Variants in TTC31 observed in about 807,000 individuals in gnomAD.
The protein encoded by TTC31 is tetratricopeptide repeat domain 31.
TTC31 carries 59 observed loss-of-function variants against 60.4 expected under a neutral mutation model. That is an observed-to-expected ratio of 0.98 (90% CI 0.79 to 1.21). The LOEUF is 1.21. Among genes scored for constraint, TTC31 ranks in the 50% most tolerant of loss-of-function variants. The pLI is 0.00. For synonymous variants in TTC31, 225 were observed against 249.6 expected, an observed-to-expected ratio of 0.90 and a Z score of 0.93; for missense variants, 672 against 646.9, an observed-to-expected ratio of 1.04 and a Z score of -0.42.
At chr2:74,483,490 A>G in intron 2 of TTC31, 80 bp downstream of exon 2, 2 of 1,603,004 alleles carry the variant, frequency 1.2e-6, no homozygotes, top group Non-Finnish European at 1.7e-6. Context: ...GAAACCCGCG[A>G]CGGATGGGCG....
chr2:74,486,887 C>A (rs1219529066), intron 2 of TTC31, among the ~76,000 whole-genome samples: 1 of 149,988 alleles, frequency 6.7e-6, no homozygotes, highest in Non-Finnish European at 1.5e-5. Flanking sequence ...GGGCGAAACT[C>A]CACCTCAAAA....
At chr2:74,488,440 G>A (rs1249740629) in intron 2 of TTC31, among the ~76,000 whole-genome samples, 1 of 152,084 alleles carries the variant, frequency 6.6e-6, no homozygotes, top group Non-Finnish European at 1.5e-5. Flanking sequence ...CTCTGTTTAG[G>A]CCTGATTAGG....
intron 2 of TTC31, among the ~76,000 whole-genome samples, chr2:74,489,181 A>G (rs1340007229): frequency 6.6e-6 from 1 of 152,258 alleles, no homozygotes; most frequent in African/African-American, 2.4e-5. Flanking sequence ...AAATTGTGTA[A>G]CACAGATAAT....
intron 2 of TTC31, among the ~76,000 whole-genome samples, chr2:74,485,538 T>C (rs1324265841): frequency 1.3e-5 from 2 of 151,382 alleles, no homozygotes; most frequent in African/African-American, 4.9e-5. Context: ...TGGTGTGATC[T>C]TGGCTCACCG....
In TTC31 at chr2:74,492,426, A is replaced by C; in HGVS notation, c.1142A>C (p.Lys381Thr). The C allele has an allele frequency of 6.6e-7, 1 of 1,523,196 alleles. No individual in the cohort carries two copies. Among genetic ancestry groups the C allele is most frequent in the Non-Finnish European group, 8.8e-7 (1 of 1,136,766 alleles). The allele number at this position is 1,523,196 out of a possible 1,614,324, so 94.4% of individuals were successfully genotyped here. A position where few individuals can be genotyped will look rare whatever the true frequency, so the allele number is the denominator to read the frequency against. ...CCCCGGGGCCTCTTCCGCCTGGGCAAGGCCTTGATGGGACTACAGGTAATA... is the reference window on the plus strand; with the variant it reads ...CCCCGGGGCCTCTTCCGCCTGGGCACGGCCTTGATGGGACTACAGGTAATA... ...GWPRGLFRLG[K>T]ALMGLQRFRE... is the part of the protein sequence containing the mutation. The change falls in exon 11 of 13, where the codon AAG becomes ACG. Residue 381 changes from lysine to threonine, a missense_variant. Lys to Thr is a moderately conservative substitution (Grantham distance 78). Coordinates refer to ENST00000233623, the MANE Select transcript of TTC31 (RefSeq NM_022492.6).
At chr2:74,490,819 A>T in intron 5 of TTC31, 80 bp downstream of exon 5, 1 of 1,410,136 alleles carries the variant, frequency 7.1e-7, no homozygotes, top group Non-Finnish European at 9.7e-7. Flanking sequence ...TGGGAACAGG[A>T]GAGAGCTCAA....
rs185827744 is a variant in TTC31, at chr2:74,485,712, C to T, written c.129+2302C>T. On this transcript the variant is annotated intron_variant, in intron 2 of 12. Transcript: ENST00000233623. ...GTCTCGATCTCCTGACCTTGTGATCCGCCCACCTCAGCCTCCCAAAATGCT... is the reference window on the plus strand; with the variant it reads ...GTCTCGATCTCCTGACCTTGTGATCTGCCCACCTCAGCCTCCCAAAATGCT... Among the ~76,000 whole-genome samples, 899 of 151,662 alleles carry T rather than the reference C, an allele frequency of 5.9e-3. 4 individuals are homozygous for T. Among genetic ancestry groups the T allele is most frequent in the Middle Eastern group, 0.031 (9 of 290 alleles).
At position 74,492,171 on chromosome 2, in the gene TTC31, T is replaced by C; in HGVS notation, c.961T>C (p.Tyr321His). 3 of 1,614,260 alleles carry C rather than the reference T, an allele frequency of 1.9e-6. No individual in the cohort carries two copies. The highest frequency in any genetic ancestry group is 2.5e-6 in the Non-Finnish European group (3 of 1,180,036). Residue 321 changes from tyrosine (Y) to histidine (H), a missense_variant, in exon 10 of 13, where the codon TAC (tyrosine) becomes CAC (histidine). Coordinates refer to ENST00000233623, the MANE Select transcript of TTC31 (RefSeq NM_022492.6). ...TACCAGCTTTGCTCAAAATGGTTTC[T>C]ACCATGAGGCCGTGGTCCTCTTCAC... is the stretch of plus-strand genomic sequence containing the variant. ...LGTSFAQNGF[Y>H]HEAVVLFTQA...
rs1160648267 is a variant in TTC31 at position 74,492,062 on chromosome 2, TC to T, written c.928+9del. The T allele has an allele frequency of 1.3e-5, 21 of 1,614,050 alleles. No homozygotes were observed. Among genetic ancestry groups the T allele is most frequent in the Non-Finnish European group, 1.8e-5 (21 of 1,180,022 alleles). On this transcript the variant is annotated splice_region_variant and intron_variant, in intron 9 of 12. Coordinates refer to ENST00000233623, the MANE Select transcript of TTC31 (RefSeq NM_022492.6). Reference sequence around the variant, plus strand: ...CAGAGCCAGGAACTGGCAAGTGAGATCCTTTCTCTCTCCGTCCTCACCCCAC... The same window carrying T: ...CAGAGCCAGGAACTGGCAAGTGAGATCTTTCTCTCTCCGTCCTCACCCCAC...
Position 74,492,330 on chromosome 2 carries a change from A to T in TTC31, c.1046A>T (p.His349Leu). 6.3e-7 allele frequency: 1 copy of T among 1,583,170 alleles called. No individual in the cohort carries two copies. The highest frequency in any genetic ancestry group is 1.1e-5 in the South Asian group (1 of 87,216). ...TTATTTGGAAATCGTTCCTTCTGCC[A>T]TGAGCGGTTGGGTCAGCCAGCGTGG... is the stretch of plus-strand genomic sequence containing the variant. ...HRLFGNRSFC[H>L]ERLGQPAWAL... is the part of the protein sequence containing the mutation. The change falls in exon 11 of 13, where the codon CAT (histidine) becomes CTT (leucine). Residue 349 changes from histidine to leucine, a missense_variant. By Grantham distance (99) the His-to-Leu change is moderately conservative. Transcript: ENST00000233623.
intron 2 of TTC31, among the ~76,000 whole-genome samples, chr2:74,487,871 G>C (rs1673318362): frequency 6.6e-6 from 1 of 151,918 alleles, no homozygotes; most frequent in Admixed American, 6.6e-5. Context: ...GTATAGATGG[G>C]GTTTCGCCAT....
intron 7 of TTC31, 22 bp from the exon 8 acceptor site, chr2:74,491,459 T>G: frequency 1.3e-5 from 17 of 1,271,540 alleles, no homozygotes; most frequent in Middle Eastern, 1.9e-4. Context: ...ACCCCCTCCC[T>G]AACTTTCCAT....
intron 2 of TTC31, 75 bp downstream of exon 2, chr2:74,483,485 C>G: frequency 6.2e-7 from 1 of 1,606,236 alleles, no homozygotes; most frequent in Non-Finnish European, 8.5e-7. Context: ...GTGCAGAAAC[C>G]CGCGACGGAT....
intron 2 of TTC31, among the ~76,000 whole-genome samples, chr2:74,486,447 A>G (rs1673115555): frequency 6.6e-6 from 1 of 152,188 alleles, no homozygotes; most frequent in Non-Finnish European, 1.5e-5. Context: ...ACAGACCAAA[A>G]TCTTTCTGTT....
chr2:74,487,855 T>C (rs1673317551), intron 2 of TTC31, among the ~76,000 whole-genome samples: 1 of 151,442 alleles, frequency 6.6e-6, no homozygotes, highest in Non-Finnish European at 1.5e-5. Flanking sequence ...AATTTTTGTA[T>C]CTTTAGTATA....
chr2:74,487,038 G>A (rs1384927695), intron 2 of TTC31, among the ~76,000 whole-genome samples: 1 of 152,246 alleles, frequency 6.6e-6, no homozygotes, highest in Non-Finnish European at 1.5e-5. Context: ...TAAGATGGGA[G>A]CACAGTTGGT....
chr2:74,490,960 C>A, intron 5 of TTC31, 168 bp from the exon 6 acceptor site: 1 of 963,800 alleles, frequency 1.0e-6, no homozygotes, highest in Non-Finnish European at 1.6e-6. Context: ...TGCCTCCTTA[C>A]ATGAGGCCTC....
At position 74,494,142 on chromosome 2, in the gene TTC31, T is replaced by A. The variant is rs1439888281; in HGVS notation, c.*924T>A. On this transcript the variant is annotated 3_prime_UTR_variant, in exon 13 of 13. Coordinates refer to ENST00000233623, the MANE Select transcript of TTC31 (RefSeq NM_022492.6). ...AGTCCTGCTGGGACTGTCAGCTCAT[T>A]TAAATGTGGGTCTGCAGAAGGCTTT... 6.6e-6 allele frequency: 1 copy of A among 152,194 alleles called. No homozygotes were observed. Among genetic ancestry groups the A allele is most frequent in the African/African-American group, 2.4e-5 (1 of 41,434 alleles). The allele number at this position is 152,194 out of a possible 1,614,324, so 9.4% of individuals were successfully genotyped here.
At chr2:74,491,944 G>C in intron 8 of TTC31, 60 bp from the exon 9 acceptor site, 1 of 1,612,818 alleles carries the variant, frequency 6.2e-7, no homozygotes. Flanking sequence ...TTAAACAAAG[G>C]AGAAGGATTT....
Sources: gnomAD v4.1 joint callset for allele counts (sites outside exome capture counted in the v4.1 genomes callset) on GRCh38, gnomAD v4.1.1 for gene constraint, MANE v1.5 for transcripts, NCBI Gene and HGNC (gene_info 2026-07-23, HGNC 2026-07-21) for gene names.